The following MYO16 variants were observed in gnomAD, a reference collection of about 807,000 sequenced individuals.
The protein encoded by MYO16 is unconventional myosin-XVI.
Under a neutral mutation model 205.3 loss-of-function variants are expected in MYO16, and 94 were observed. The observed-to-expected ratio is 0.46, with a 90% CI of 0.39 to 0.54. The LOEUF is 0.54. MYO16 is among the 20% of genes least tolerant of loss of function. The pLI, the probability that MYO16 is intolerant of heterozygous loss-of-function variation, is 0.00. For synonymous variants in MYO16, 988 were observed against 954.0 expected, an observed-to-expected ratio of 1.04 and a Z score of -0.66; for missense variants, 2,315 against 2,387.5, an observed-to-expected ratio of 0.97 and a Z score of 0.63.
the MYO16 span, among the ~76,000 whole-genome samples, chr13:108,516,547 C>T: frequency 2.6e-5 from 4 of 152,204 alleles, no homozygotes; most frequent in Non-Finnish European, 5.9e-5. Flanking sequence ...TGATTGAGAA[C>T]TATAACACAC....
intron 1 of MYO16, among the ~76,000 whole-genome samples, chr13:108,657,961 C>T (rs1277089549): frequency 4.6e-5 from 7 of 152,136 alleles, no homozygotes; most frequent in Non-Finnish European, 8.8e-5. Flanking sequence ...ACAAACTATA[C>T]ATTCATGGGT....
chr13:108,871,802 G>T (rs142911243), intron 12 of MYO16, among the ~76,000 whole-genome samples: 317 of 152,300 alleles, frequency 2.1e-3, no homozygotes, highest in African/African-American at 7.1e-3. Context: ...GGATGGAAAA[G>T]ATCCCGTGTG....
the MYO16 span, among the ~76,000 whole-genome samples, chr13:108,508,104 G>A: frequency 6.6e-6 from 1 of 151,790 alleles, no homozygotes. Flanking sequence ...GCTGCTATAA[G>A]ATAGCTATTT....
At chr13:108,665,779 C>T in intron 1 of MYO16, 107 bp from the exon 2 acceptor site, 1 of 1,160,160 alleles carries the variant, frequency 8.6e-7, no homozygotes, top group Non-Finnish European at 1.2e-6. Context: ...AGAATTGTTG[C>T]ATTTATGACC....
At chr13:108,553,066 T>G in the MYO16 span, among the ~76,000 whole-genome samples, 1 of 126,878 alleles carries the variant, frequency 7.9e-6, no homozygotes, top group Non-Finnish European at 1.6e-5. Flanking sequence ...TCACCCAGGC[T>G]GGAGTGCAGT....
the MYO16 span, among the ~76,000 whole-genome samples, chr13:108,557,726 T>C: frequency 1.6e-3 from 241 of 152,232 alleles, no homozygotes; most frequent in Non-Finnish European, 2.7e-3. Flanking sequence ...ATTATATAAA[T>C]ATAATGAATG....
At chr13:109,083,243 C>T (rs1017878854) in intron 27 of MYO16, among the ~76,000 whole-genome samples, 11 of 151,664 alleles carry the variant, frequency 7.3e-5, no homozygotes, top group East Asian at 3.9e-4. Context: ...ATTAGCTGGA[C>T]GTGGTGGTGG....
chr13:109,048,379 A>G (rs943785566), intron 24 of MYO16: 1 of 748,676 alleles, frequency 1.3e-6, no homozygotes, highest in Non-Finnish European at 2.5e-6. Context: ...TTTACAATGT[A>G]CCCTTTTGTA....
chr13:108,731,151 G>A (rs1467735564), intron 4 of MYO16, among the ~76,000 whole-genome samples: 2 of 152,148 alleles, frequency 1.3e-5, no homozygotes, highest in East Asian at 3.9e-4. Flanking sequence ...ACTAACACCA[G>A]CTTCAGGTTA....
chr13:108,912,247 T>C (rs1157622603), intron 16 of MYO16, among the ~76,000 whole-genome samples: 1 of 152,132 alleles, frequency 6.6e-6, no homozygotes, highest in African/African-American at 2.4e-5. Flanking sequence ...TTACTAATTA[T>C]TATCATTAAA....
chr13:108,661,829 T>C (rs891769927), intron 1 of MYO16, among the ~76,000 whole-genome samples: 1 of 152,160 alleles, frequency 6.6e-6, no homozygotes, highest in African/African-American at 2.4e-5. Flanking sequence ...GCTGATGAAC[T>C]AACGTGATTT....
At chr13:108,802,920 T>C (rs1887009491) in intron 6 of MYO16, among the ~76,000 whole-genome samples, 1 of 152,240 alleles carries the variant, frequency 6.6e-6, no homozygotes, top group Non-Finnish European at 1.5e-5. Context: ...AATTGGGTTA[T>C]TTGTTTTCTT....
At chr13:109,030,213 AAGAAT>A (rs1419410513) in intron 23 of MYO16, among the ~76,000 whole-genome samples, 1 of 152,096 alleles carries the variant, frequency 6.6e-6, no homozygotes, top group Non-Finnish European at 1.5e-5. Flanking sequence ...GGGAAAGTAA[AAGAAT>A]AGAAGCTCTT....
At chr13:108,930,604 GTATTT>G (rs1259773274) in intron 16 of MYO16, among the ~76,000 whole-genome samples, 19 of 152,100 alleles carry the variant, frequency 1.2e-4, no homozygotes, top group Non-Finnish European at 2.6e-4. Flanking sequence ...AGTAAAAGGA[GTATTT>G]CACACACAAA....
At chr13:109,163,864 C>T (rs1277447171) in intron 32 of MYO16, 2 of 152,136 alleles carry the variant, frequency 1.3e-5, no homozygotes, top group Non-Finnish European at 2.9e-5. Flanking sequence ...ATACACCGTT[C>T]TGCCATATTT....
chr13:109,082,820 G>A (rs1888321261), intron 27 of MYO16, among the ~76,000 whole-genome samples: 1 of 151,840 alleles, frequency 6.6e-6, no homozygotes, highest in Non-Finnish European at 1.5e-5. Flanking sequence ...AAAAAAAGCA[G>A]GTACCAAGCA....
chr13:108,559,033 T>C, the MYO16 span, among the ~76,000 whole-genome samples: 1 of 151,878 alleles, frequency 6.6e-6, no homozygotes, highest in Admixed American at 6.6e-5. Context: ...AATAGCACTG[T>C]AATGGGTTGA....
At position 108,677,346 on chromosome 13, in the gene MYO16, T is replaced by TATATGC. The variant is rs1566544901; in HGVS notation, c.292+11201_292+11202insGCATAT. On this transcript the variant is annotated intron_variant, in intron 2 of 34. Transcript: ENST00000457511. Reference sequence around the variant, plus strand: ...GTGTGTGTGTGTGTGTATATATATATATATATATGCATATATATATATATA... The same window carrying TATATGC: ...GTGTGTGTGTGTGTGTATATATATATATATGCATATATATGCATATATATATATATA... Among the ~76,000 whole-genome samples, 112 of 92,220 alleles carry TATATGC rather than the reference T, an allele frequency of 1.2e-3. 1 individual carries two copies. The highest frequency in any genetic ancestry group is 4.4e-3 in the African/African-American group (108 of 24,516). The allele number at this position is 92,220 out of a possible 152,430, so 60.5% of individuals were successfully genotyped here.
At chr13:108,890,935 C>T (rs944425829) in intron 14 of MYO16, among the ~76,000 whole-genome samples, 1 of 152,164 alleles carries the variant, frequency 6.6e-6, no homozygotes, top group African/African-American at 2.4e-5. Context: ...CAGCCTGGCC[C>T]GTGCAGTCTC....
Sources: gnomAD v4.1 joint callset for allele counts (sites outside exome capture counted in the v4.1 genomes callset) on GRCh38, gnomAD v4.1.1 for gene constraint, MANE v1.5 for transcripts, NCBI Gene and HGNC (gene_info 2026-07-23, HGNC 2026-07-21) for gene names.